MKRN1: variants seen among roughly 807,000 people sequenced by gnomAD.
MKRN1 encodes the protein E3 ubiquitin-protein ligase makorin-1.
Under a neutral mutation model 55.5 loss-of-function variants are expected in MKRN1, and 9 were observed. The ratio of observed to expected loss-of-function variants is 0.16; its 90% CI spans 0.10 to 0.28. The LOEUF is 0.28. MKRN1 is among the 10% of genes least tolerant of loss of function. The pLI is 1.00. For synonymous variants in MKRN1, 253 were observed against 235.9 expected (o/e 1.07, Z -0.66); for missense variants, 488 against 626.7 (o/e 0.78, Z 2.36).
intron 2 of MKRN1, among the ~76,000 whole-genome samples, chr7:140,468,679 G>GA (rs1185886638): frequency 1.6e-4 from 16 of 99,452 alleles, no homozygotes; most frequent in Non-Finnish European, 2.8e-4. Flanking sequence ...CCAACCTGGC[G>GA]ACAGACTGAG....
intron 5 of MKRN1, chr7:140,456,386 G>C (rs999379418): frequency 1.5e-6 from 2 of 1,312,444 alleles, no homozygotes; most frequent in African/African-American, 1.5e-5. Context: ...GCCTAAACTG[G>C]CTAATAATCC....
chr7:140,473,190 T>G (rs1030790055), intron 1 of MKRN1: 6 of 428,602 alleles, frequency 1.4e-5, no homozygotes, highest in Non-Finnish European at 2.3e-5. Context: ...AGTATATGTC[T>G]TGTTTTTAAA....
intron 1 of MKRN1, chr7:140,474,417 T>G: frequency 2.7e-6 from 1 of 370,958 alleles, no homozygotes; most frequent in Non-Finnish European, 5.5e-6. Flanking sequence ...GAGGCAGAAT[T>G]GCTTGAACTC....
chr7:140,470,046 C>CAA (rs35753653), intron 2 of MKRN1, among the ~76,000 whole-genome samples: 123 of 51,054 alleles, frequency 2.4e-3, no homozygotes, highest in African/African-American at 0.01. Context: ...GGCTCTGTCT[C>CAA]AAAAAAAAAA....
In MKRN1 at chr7:140,479,301, C is replaced by T. The variant is rs369712962; in HGVS notation, c.44G>A (p.Gly15Glu). 2.9e-6 allele frequency: 4 copies of T among 1,361,748 alleles called. No individual in the cohort carries two copies. The highest frequency in any genetic ancestry group is 3.8e-6 in the Non-Finnish European group (4 of 1,054,404). The allele number at this position is 1,361,748 out of a possible 1,614,324, so 84.4% of individuals were successfully genotyped here. A position where few individuals can be genotyped will look rare whatever the true frequency, so the allele number is the denominator to read the frequency against. Residue 15 changes from glycine to glutamate, a missense_variant, in exon 1 of 8, where the codon GGA (glycine) becomes GAA (glutamate). Transcript: ENST00000255977. ...CGCCGTCGCCGCTGCCGCTCCTGCT[C>T]CTGATGTTGTGGCTGTTGTTCCGGG... ...ATPGTTATTS[G>E]AGAAAATAAA...
Position 140,455,123 on chromosome 7 carries a change from T to C in MKRN1, c.1208A>G (p.Gln403Arg), listed in dbSNP as rs1183504347. 6.2e-7 allele frequency: 1 copy of C among 1,614,050 alleles called. No individual in the cohort carries two copies. The highest frequency in any genetic ancestry group is 1.1e-5 in the South Asian group (1 of 91,068). Residue 403 changes from glutamine to arginine, a missense_variant, in exon 7 of 8, where the codon CAG becomes CGG. Transcript: ENST00000255977. ...GTATCTGCTTGATGTTCCCACTTTCTGTCTCTGTGGCTCCTCTCTACGGCC... is the reference window on the plus strand; with the variant it reads ...GTATCTGCTTGATGTTCCCACTTTCCGTCTCTGTGGCTCCTCTCTACGGCC... ...PDGRREEPQR[Q>R]KVGTSSRYRA... is the part of the protein sequence containing the mutation.
intron 2 of MKRN1, among the ~76,000 whole-genome samples, chr7:140,463,420 C>A (rs947808577): frequency 1.3e-5 from 2 of 152,196 alleles, no homozygotes; most frequent in African/African-American, 4.8e-5. Context: ...GACTTACATA[C>A]AATTTTAAAC....
chr7:140,474,060 A>T (rs1795039488), intron 1 of MKRN1, among the ~76,000 whole-genome samples: 3 of 140,150 alleles, frequency 2.1e-5, no homozygotes, highest in Admixed American at 7.3e-5. Flanking sequence ...AAAGAAAGAA[A>T]GAAAGAATAA....
At chr7:140,456,911 C>G in intron 4 of MKRN1, 45 bp from the exon 5 acceptor site, 1 of 1,564,768 alleles carries the variant, frequency 6.4e-7, no homozygotes, top group Non-Finnish European at 8.7e-7. Context: ...GTCATTGAAC[C>G]CTGAAAAACT....
At chr7:140,477,648 G>A (rs1795165343) in intron 1 of MKRN1, among the ~76,000 whole-genome samples, 1 of 151,824 alleles carries the variant, frequency 6.6e-6, no homozygotes, top group South Asian at 2.1e-4. Context: ...AGTAGAGACA[G>A]GGTTTCACCA....
rs768670161 is a variant in MKRN1, at chr7:140,458,992, T to TCC, written c.771+13_771+14dup. 3.7e-6 allele frequency: 6 copies of TCC among 1,611,550 alleles called. No homozygotes were observed. The highest frequency in any genetic ancestry group is 5.1e-6 in the Non-Finnish European group (6 of 1,177,916). On this transcript the variant is annotated intron_variant, in intron 4 of 7. Transcript: ENST00000255977. ...TCTCACATCTAATAACACACACATCTCCCTAAAGACTTACTTTGATATGCT... is the reference window on the plus strand; with the variant it reads ...TCTCACATCTAATAACACACACATCTCCCCCTAAAGACTTACTTTGATATGCT...
At chr7:140,454,865 T>G in intron 7 of MKRN1, 136 bp from the exon 8 acceptor site, 2 of 1,059,606 alleles carry the variant, frequency 1.9e-6, no homozygotes, top group Non-Finnish European at 2.8e-6. Context: ...CATTTACCAC[T>G]TCCTCCCCTC....
Position 140,454,300 on chromosome 7 carries a change from T to A in MKRN1, c.*217A>T. 1.7e-6 allele frequency: 1 copy of A among 581,238 alleles called. No homozygotes were observed. Among genetic ancestry groups the A allele is most frequent in the Non-Finnish European group, 3.1e-6 (1 of 326,348 alleles). The allele number at this position is 581,238 out of a possible 1,614,324, so 36.0% of individuals were successfully genotyped here. ...TAAATTCGTGTTACAAAAAACTAAC[T>A]TTAAGATTTATTTTTGTAACTTTTT... On this transcript the variant is annotated 3_prime_UTR_variant, in exon 8 of 8. Coordinates refer to ENST00000255977, the MANE Select transcript of MKRN1 (RefSeq NM_013446.4).
chr7:140,458,584 C>G (rs994758829), intron 4 of MKRN1, among the ~76,000 whole-genome samples: 11 of 152,138 alleles, frequency 7.2e-5, no homozygotes, highest in African/African-American at 2.2e-4. Flanking sequence ...TTGCACATCT[C>G]TGTAAATATA....
intron 1 of MKRN1, chr7:140,478,168 G>A (rs922033914): frequency 9.2e-5 from 14 of 152,128 alleles, no homozygotes; most frequent in African/African-American, 2.9e-4. Flanking sequence ...GGTGAAAACC[G>A]GCATTTCAGT....
At chr7:140,461,495 T>C (rs1300906238) in intron 2 of MKRN1, among the ~76,000 whole-genome samples, 1 of 151,998 alleles carries the variant, frequency 6.6e-6, no homozygotes, top group African/African-American at 2.4e-5. Context: ...TATCCGGGCA[T>C]GGTGGCGCAC....
At chr7:140,473,158 C>G (rs1322736847) in intron 1 of MKRN1, 3 of 385,502 alleles carry the variant, frequency 7.8e-6, no homozygotes, top group African/African-American at 6.8e-5. Context: ...ATTTCTCCTC[C>G]AAACAAAAAC....
At chr7:140,459,331 A>C (rs1189760905) in intron 3 of MKRN1, 98 bp from the exon 4 acceptor site, 13 of 1,191,680 alleles carry the variant, frequency 1.1e-5, no homozygotes, top group Non-Finnish European at 1.6e-5. Context: ...ATAAAACTGC[A>C]ATGAAATACC....
intron 1 of MKRN1, among the ~76,000 whole-genome samples, chr7:140,473,517 AT>A (rs1332225680): frequency 6.6e-6 from 1 of 152,206 alleles, no homozygotes; most frequent in Non-Finnish European, 1.5e-5. Flanking sequence ...ATTTCTACAA[AT>A]TATAGAATAG....
Sources: allele counts gnomAD v4.1 joint callset (sites outside exome capture counted in the v4.1 genomes callset), GRCh38; gene constraint gnomAD v4.1.1; transcripts MANE v1.5; gene names NCBI Gene and HGNC (gene_info 2026-07-23, HGNC 2026-07-21).